PCDHA10: variants seen among roughly 807,000 people sequenced by gnomAD.
The protein encoded by PCDHA10 is protocadherin alpha 10, also known as protocadherin alpha-10.
A neutral mutation model predicts 61.2 loss-of-function variants in PCDHA10; 45 were observed. The ratio of observed to expected loss-of-function variants is 0.74; its 90% CI spans 0.58 to 0.94. PCDHA10 has a LOEUF of 0.94. Among genes scored for constraint, PCDHA10 ranks in the 40% least tolerant of loss-of-function variants. The probability of loss-of-function intolerance (pLI) is 0.00; values close to 1 mark genes in which losing one functional copy is unlikely to be tolerated. For synonymous variants in PCDHA10, 602 were observed against 548.8 expected (o/e 1.10, Z -1.35); for missense variants, 1,278 against 1,236.2 (o/e 1.03, Z -0.51).
intron 1 of PCDHA10, among the ~76,000 whole-genome samples, chr5:140,905,180 TAA>T (rs2071657008): frequency 6.6e-6 from 1 of 152,224 alleles, no homozygotes; most frequent in Non-Finnish European, 1.5e-5. Flanking sequence ...GTTTTAGATT[TAA>T]GTCTTTGATC....
At chr5:140,859,867 T>C (rs1265494119) in intron 1 of PCDHA10, 1 of 152,016 alleles carries the variant, frequency 6.6e-6, no homozygotes, top group Non-Finnish European at 1.5e-5. Flanking sequence ...AATATATACT[T>C]CCCCCTCTGA....
intron 1 of PCDHA10, chr5:140,875,560 C>G: frequency 6.2e-7 from 1 of 1,614,124 alleles, no homozygotes; most frequent in Non-Finnish European, 8.5e-7. Context: ...GGGGAGCGGC[C>G]AGCTCCACTA....
At chr5:140,958,515 A>G (rs1217324801) in intron 1 of PCDHA10, among the ~76,000 whole-genome samples, 1 of 152,150 alleles carries the variant, frequency 6.6e-6, no homozygotes, top group Non-Finnish European at 1.5e-5. Flanking sequence ...TGGCTGTCCA[A>G]TATATACTAT....
intron 3 of PCDHA10, among the ~76,000 whole-genome samples, chr5:141,000,477 G>C (rs1191359491): frequency 1.5e-5 from 2 of 132,058 alleles, no homozygotes; most frequent in African/African-American, 5.8e-5. Context: ...GCCCAAGCTG[G>C]AGTGCAATGG....
chr5:140,909,684 G>A (rs2074634664), intron 1 of PCDHA10, among the ~76,000 whole-genome samples: 1 of 152,220 alleles, frequency 6.6e-6, no homozygotes, highest in Non-Finnish European at 1.5e-5. Context: ...GGGAGCCAAT[G>A]TGGGGGTTCT....
chr5:140,889,080 A>G (rs2062092798), intron 1 of PCDHA10, among the ~76,000 whole-genome samples: 1 of 151,888 alleles, frequency 6.6e-6, no homozygotes, highest in Non-Finnish European at 1.5e-5. Flanking sequence ...ATTTTGTTAA[A>G]TTTTCAAAAC....
At chr5:140,883,635 C>G (rs997170789) in intron 1 of PCDHA10, 13 of 1,613,058 alleles carry the variant, frequency 8.1e-6, no homozygotes, top group Non-Finnish European at 1.1e-5. Context: ...CCGGCGTTCG[C>G]GCAGCCCGAG....
intron 1 of PCDHA10, chr5:140,882,740 T>A (rs1554175394): frequency 6.2e-7 from 1 of 1,614,198 alleles, no homozygotes; most frequent in African/African-American, 1.3e-5. Flanking sequence ...AGATGGCGCA[T>A]CCGATGCAGA....
chr5:140,995,709 G>C (rs1279829164), intron 3 of PCDHA10, among the ~76,000 whole-genome samples: 6 of 152,162 alleles, frequency 3.9e-5, no homozygotes, highest in African/African-American at 1.4e-4. Flanking sequence ...GCTGGGCTTG[G>C]AAATGTTCTT....
intron 1 of PCDHA10, chr5:140,861,780 G>A (rs2047084073): frequency 1.2e-5 from 2 of 161,142 alleles, no homozygotes; most frequent in African/African-American, 2.4e-5. Flanking sequence ...CCAAGAGCAG[G>A]TAAAACCACT....
chr5:140,915,138 G>A (rs139042327), intron 1 of PCDHA10, among the ~76,000 whole-genome samples: 2,353 of 151,838 alleles, frequency 0.015, 60 homozygotes, highest in African/African-American at 0.053. Context: ...TAGTAGAGAC[G>A]GGGTTTCACC....
intron 3 of PCDHA10, among the ~76,000 whole-genome samples, chr5:141,000,385 C>CAA (rs1399640915): frequency 2.3e-4 from 15 of 64,992 alleles, no homozygotes; most frequent in African/African-American, 9.7e-4. Context: ...CTCTCTCTCT[C>CAA]TCTCTCTCTC....
chr5:140,987,904 G>A (rs115515462), intron 3 of PCDHA10, among the ~76,000 whole-genome samples: 1 of 151,734 alleles, frequency 6.6e-6, no homozygotes, highest in African/African-American at 2.4e-5. Context: ...TTTTATATGG[G>A]GATTTATATT....
At chr5:140,948,764 G>A (rs962710607) in intron 1 of PCDHA10, among the ~76,000 whole-genome samples, 11 of 150,728 alleles carry the variant, frequency 7.3e-5, no homozygotes, top group East Asian at 3.9e-4. Context: ...GATTTTTTTC[G>A]AATAGCCAGC....
Position 141,010,476 on chromosome 5 carries a change from G to T in PCDHA10, c.*539G>T. ...GAAGTTATCAGTATGGAGGGGAAGT[G>T]TAAACTTAAAGGGACCAGACTTTCT... is the stretch of plus-strand genomic sequence containing the variant. On this transcript the variant is annotated 3_prime_UTR_variant, in exon 4 of 4. Coordinates refer to ENST00000307360, the MANE Select transcript of PCDHA10 (RefSeq NM_018901.4). 1.3e-6 allele frequency: 1 copy of T among 752,476 alleles called. No individual in the cohort carries two copies. Among genetic ancestry groups the T allele is most frequent in the Non-Finnish European group, 2.0e-6 (1 of 499,640 alleles). The allele number at this position is 752,476 out of a possible 1,614,324, so 46.6% of individuals were successfully genotyped here. A position where few individuals can be genotyped will look rare whatever the true frequency, so the allele number is the denominator to read the frequency against.
Position 141,012,283 on chromosome 5 carries a change from AT to A in PCDHA10, c.*2350del, listed in dbSNP as rs1313163740. 6.5e-6 allele frequency: 1 copy of A among 153,798 alleles called. No homozygotes were observed. Among genetic ancestry groups the A allele is most frequent in the Non-Finnish European group, 1.5e-5 (1 of 68,046 alleles). The allele number at this position is 153,798 out of a possible 1,614,324, so 9.5% of individuals were successfully genotyped here. ...AGGATAAAACACGTCATGTGGATTC[AT>A]TTTGAATTGGTGCTATTGGTATTTC... On this transcript the variant is annotated 3_prime_UTR_variant, in exon 4 of 4. Coordinates refer to ENST00000307360, the MANE Select transcript of PCDHA10 (RefSeq NM_018901.4).
Position 141,010,222 on chromosome 5 carries a change from C to T in PCDHA10, c.*285C>T. 6.4e-7 allele frequency: 1 copy of T among 1,551,730 alleles called. No homozygotes were observed. The highest frequency in any genetic ancestry group is 2.4e-5 in the East Asian group (1 of 40,912). ...CCTCCGCCGCAAAGGAGAGGCTTCC[C>T]AGCCCCGCCAGTGAGAGGTTGGACT... On this transcript the variant is annotated 3_prime_UTR_variant, in exon 4 of 4. Transcript: ENST00000307360.
intron 1 of PCDHA10, among the ~76,000 whole-genome samples, chr5:140,908,387 T>A (rs536105622): frequency 1.3e-5 from 2 of 152,230 alleles, no homozygotes; most frequent in Admixed American, 1.3e-4. Flanking sequence ...TCGAGCCCGA[T>A]CACATATATA....
chr5:140,985,401 C>T (rs2097150530), intron 3 of PCDHA10, among the ~76,000 whole-genome samples: 1 of 152,108 alleles, frequency 6.6e-6, no homozygotes, highest in Non-Finnish European at 1.5e-5. Flanking sequence ...CCAACTGTTC[C>T]CCTGGAAATG....
Sources: gnomAD v4.1 joint callset for allele counts (sites outside exome capture counted in the v4.1 genomes callset) on GRCh38, gnomAD v4.1.1 for gene constraint, MANE v1.5 for transcripts, NCBI Gene and HGNC (gene_info 2026-07-23, HGNC 2026-07-21) for gene names.